ARHGEF7: variants seen among roughly 807,000 people sequenced by gnomAD.
ARHGEF7 encodes PAK-interacting exchange factor beta.
Under a neutral mutation model 109.8 loss-of-function variants are expected in ARHGEF7, and 33 were observed. That is an observed-to-expected ratio of 0.30 (90% confidence interval 0.23 to 0.40). The LOEUF is 0.40. Among genes scored for constraint, ARHGEF7 ranks in the 10% least tolerant of loss-of-function variants. ARHGEF7 has a pLI of 1.00. For synonymous variants in ARHGEF7, 458 were observed against 424.6 expected (o/e 1.08, Z -0.97); for missense variants, 938 against 1,098.5 (o/e 0.85, Z 2.07).
intron 19 of ARHGEF7, among the ~76,000 whole-genome samples, chr13:111,299,990 TTTTC>T (rs915811930): frequency 2.0e-5 from 3 of 152,240 alleles, no homozygotes; most frequent in African/African-American, 4.8e-5. Context: ...CAAGAAAATA[TTTTC>T]TTTAAGAAAA....
intron 2 of ARHGEF7, among the ~76,000 whole-genome samples, chr13:111,201,403 A>G: frequency 6.6e-6 from 1 of 152,246 alleles, no homozygotes; most frequent in East Asian, 1.9e-4. Context: ...AACGAGGTCC[A>G]GTAAACATAC....
chr13:111,301,498 A>T lies in ARHGEF7; in HGVS notation c.2432A>T (p.Tyr811Phe). 1.2e-6 allele frequency: 2 copies of T among 1,613,282 alleles called. No homozygotes were observed. The highest frequency in any genetic ancestry group is 1.7e-6 in the Non-Finnish European group (2 of 1,179,286). ...TTCAGGAGTCTTGTGGATACCGTAT[A>T]TGCATTAAAGGATGAAGTTCAAGAA... ...IEEKSLVDTV[Y>F]ALKDEVQELR... The change falls in exon 21 of 22, where the codon TAT becomes TTT. Residue 811 changes from tyrosine (Y) to phenylalanine (F), a missense_variant. By Grantham distance (22) the Tyr-to-Phe change is conservative (BLOSUM62 3). This residue lies in a region of ARHGEF7 where 166 missense variants were observed against 167.3 expected (regional missense o/e 0.99). Coordinates refer to ENST00000646102, the MANE Select transcript of ARHGEF7 (RefSeq NM_001354046.2).
chr13:111,289,313 C>A (rs1340995346), intron 18 of ARHGEF7, among the ~76,000 whole-genome samples: 1 of 152,176 alleles, frequency 6.6e-6, no homozygotes, highest in Non-Finnish European at 1.5e-5. Flanking sequence ...GGATTACAGG[C>A]GTGAGACACA....
chr13:111,121,504 GC>G (rs1230046596), intron 1 of ARHGEF7, among the ~76,000 whole-genome samples: 9 of 152,252 alleles, frequency 5.9e-5, no homozygotes, highest in African/African-American at 1.9e-4. Context: ...GGCGATGGGG[GC>G]TGTGAGGTGA....
intron 21 of ARHGEF7, 94 bp from the exon 22 acceptor site, chr13:111,302,897 G>A (rs1256438496): frequency 1.1e-5 from 16 of 1,500,192 alleles, no homozygotes; most frequent in East Asian, 2.3e-5. Flanking sequence ...TTCATGAATC[G>A]AGGCCTTAGC....
rs1383845385 is a variant in ARHGEF7 at position 111,253,352 on chromosome 13, GA to G, written c.950+9059del. On this transcript the variant is annotated intron_variant, in intron 8 of 21. Coordinates refer to ENST00000646102, the MANE Select transcript of ARHGEF7 (RefSeq NM_001354046.2). ...TTAAACGAGTTTTTAAAATAAAACTGATAAGTTGGGAATTTGCTTCTAGTTT... is the reference window on the plus strand; with the variant it reads ...TTAAACGAGTTTTTAAAATAAAACTGTAAGTTGGGAATTTGCTTCTAGTTT... 1.6e-4 allele frequency among the ~76,000 whole-genome samples: 24 copies of G among 152,320 alleles called. 1 individual carries two copies. The highest frequency in any genetic ancestry group is 5.3e-4 in the African/African-American group (22 of 41,570).
At chr13:111,189,211 T>C (rs1381083850) in intron 2 of ARHGEF7, among the ~76,000 whole-genome samples, 2 of 152,222 alleles carry the variant, frequency 1.3e-5, no homozygotes, top group African/African-American at 2.4e-5. Context: ...TTCTGTCATA[T>C]TTTGTCCGGA....
intron 2 of ARHGEF7, among the ~76,000 whole-genome samples, chr13:111,178,968 T>C (rs1237659282): frequency 1.3e-5 from 2 of 149,772 alleles, no homozygotes; most frequent in South Asian, 2.1e-4. Context: ...GTCCCCCCCC[T>C]TTTTTTTTGT....
intron 1 of ARHGEF7, among the ~76,000 whole-genome samples, chr13:111,140,986 AGCCTG>A (rs1344167150): frequency 6.6e-6 from 1 of 152,162 alleles, no homozygotes; most frequent in Non-Finnish European, 1.5e-5. Flanking sequence ...TACCACACCC[AGCCTG>A]GACCTTATTT....
intron 1 of ARHGEF7, among the ~76,000 whole-genome samples, chr13:111,137,759 G>A (rs2075154692): frequency 6.6e-6 from 1 of 152,156 alleles, no homozygotes; most frequent in South Asian, 2.1e-4. Flanking sequence ...AGCTCAGGAG[G>A]TTTGTACAAG....
rs2067446415 is a variant in ARHGEF7, at chr13:111,124,782, CAG to C, written c.165+9093_165+9094del. Reference sequence around the variant, plus strand: ...TTTTTGTTTTGTTTTGTTTTTTAGACAGAATCTCACTCTGTCACCCAAGCTGG... The same window carrying C: ...TTTTTGTTTTGTTTTGTTTTTTAGACAATCTCACTCTGTCACCCAAGCTGG... On this transcript the variant is annotated intron_variant, in intron 1 of 21. Transcript: ENST00000646102. Among the ~76,000 whole-genome samples, 3 of 152,198 alleles carry C rather than the reference CAG, an allele frequency of 2.0e-5. No individual in the cohort carries two copies. In the South Asian group the frequency reaches 6.2e-4, roughly 32 times the overall value.
At chr13:111,129,365 G>A (rs1229033734) in intron 1 of ARHGEF7, among the ~76,000 whole-genome samples, 1 of 152,066 alleles carries the variant, frequency 6.6e-6, no homozygotes, top group Non-Finnish European at 1.5e-5. Context: ...ATAAAAGAAA[G>A]AGTGGACAAA....
chr13:111,270,122 C>A (rs2092019607), intron 9 of ARHGEF7, among the ~76,000 whole-genome samples: 1 of 152,238 alleles, frequency 6.6e-6, no homozygotes, highest in South Asian at 2.1e-4. Context: ...CAGCTCAGAC[C>A]TTCTGCAGCG....
At chr13:111,118,026 G>C (rs988341142) in intron 1 of ARHGEF7, among the ~76,000 whole-genome samples, 14 of 152,368 alleles carry the variant, frequency 9.2e-5, no homozygotes, top group African/African-American at 2.9e-4. Context: ...GGACATGACA[G>C]GGGCTTCGCT....
At chr13:111,156,554 T>C (rs567848826) in intron 2 of ARHGEF7, among the ~76,000 whole-genome samples, 1 of 152,378 alleles carries the variant, frequency 6.6e-6, no homozygotes, top group East Asian at 1.9e-4. Context: ...GAAGTTACCC[T>C]GAGAAGTCAT....
chr13:111,219,948 G>A (rs746453585), intron 5 of ARHGEF7, among the ~76,000 whole-genome samples: 3 of 151,876 alleles, frequency 2.0e-5, no homozygotes, highest in Admixed American at 6.6e-5. Flanking sequence ...CACTGAGAGC[G>A]CGGCACTGGC....
chr13:111,165,511 A>G lies in ARHGEF7; in HGVS notation c.252+11520A>G, dbSNP rs147714039. ...ATGCAGTTGAGTTTTGCCTAACGTGAAAATACTAAGTTTCTGTGTATTCTC... is the reference window on the plus strand; with the variant it reads ...ATGCAGTTGAGTTTTGCCTAACGTGGAAATACTAAGTTTCTGTGTATTCTC... On this transcript the variant is annotated intron_variant, in intron 2 of 21. Transcript: ENST00000646102. Among the ~76,000 whole-genome samples, 1,180 of 152,212 alleles carry G rather than the reference A, an allele frequency of 7.8e-3. 17 individuals carry two copies. Among genetic ancestry groups the G allele is most frequent in the African/African-American group, 0.027 (1,134 of 41,522 alleles).
At chr13:111,205,011 C>T (rs944593570) in intron 2 of ARHGEF7, among the ~76,000 whole-genome samples, 8 of 152,316 alleles carry the variant, frequency 5.3e-5, no homozygotes, top group Middle Eastern at 3.4e-3. Flanking sequence ...CACCCCGCCC[C>T]GCCCCCGTGA....
chr13:111,241,119 T>C (rs1487950099), intron 6 of ARHGEF7: 1 of 1,513,236 alleles, frequency 6.6e-7, no homozygotes, highest in Non-Finnish European at 8.8e-7. Flanking sequence ...TGCCTCTCCA[T>C]GCCTCGTGAC....
Sources: allele counts gnomAD v4.1 joint callset (sites outside exome capture counted in the v4.1 genomes callset), GRCh38; gene constraint gnomAD v4.1.1; regional missense constraint gnomAD v4.1.1; transcripts MANE v1.5; gene names NCBI Gene and HGNC (gene_info 2026-07-23, HGNC 2026-07-21).